EYA4: variants seen among roughly 807,000 people sequenced by gnomAD.
EYA4 encodes EYA transcriptional coactivator and phosphatase 4.
EYA4 carries 31 observed loss-of-function variants against 87.9 expected under a neutral mutation model. The observed-to-expected ratio is 0.35, with a 90% CI of 0.27 to 0.48. The LOEUF is 0.48. Among genes scored for constraint, EYA4 ranks in the 20% least tolerant of loss-of-function variants. The pLI, the probability that EYA4 is intolerant of heterozygous loss-of-function variation, is 0.99. For missense variants in EYA4, 678 were observed against 761.4 expected, an observed-to-expected ratio of 0.89 and a Z score of 1.29; for synonymous variants, 263 against 270.6, an observed-to-expected ratio of 0.97 and a Z score of 0.28.
chr6:133,323,237 A>G (rs978883675), intron 2 of EYA4, among the ~76,000 whole-genome samples: 3 of 152,072 alleles, frequency 2.0e-5, no homozygotes, highest in African/African-American at 7.2e-5. Context: ...TTGGTCAGAT[A>G]GAAGAAGAGC....
intron 3 of EYA4, among the ~76,000 whole-genome samples, chr6:133,385,758 ACAT>A (rs1246745070): frequency 6.6e-6 from 1 of 152,188 alleles, no homozygotes; most frequent in African/African-American, 2.4e-5. Context: ...TCTTGAAGTG[ACAT>A]ATGTGTATCA....
intron 2 of EYA4, among the ~76,000 whole-genome samples, chr6:133,359,820 CA>C (rs1407480526): frequency 6.6e-6 from 1 of 152,170 alleles, no homozygotes; most frequent in Non-Finnish European, 1.5e-5. Context: ...AGGAGTTAGA[CA>C]AAGATGACAG....
chr6:133,246,274 A>G lies in EYA4; in HGVS notation c.-66+4525A>G, dbSNP rs555448750. On this transcript the variant is annotated intron_variant, in intron 1 of 19. Transcript: ENST00000355286. The stretch of plus-strand genomic sequence containing the variant: ...ATTTCAGTGCATGGATGATGAAGAA[A>G]GACACCATTCTAAAATACCAGAAAT... Among the ~76,000 whole-genome samples the G allele has an allele frequency of 2.0e-5, 3 of 152,332 alleles. No homozygotes were observed. The East Asian group carries it at 5.8e-4, about 29-fold the overall frequency.
chr6:133,523,775 CTTCTA>C (rs1191077728), intron 18 of EYA4, among the ~76,000 whole-genome samples: 2 of 152,150 alleles, frequency 1.3e-5, no homozygotes, highest in Non-Finnish European at 2.9e-5. Flanking sequence ...CAGACTCCAA[CTTCTA>C]ATAAACATTC....
intron 2 of EYA4, among the ~76,000 whole-genome samples, chr6:133,374,215 C>CAAG (rs1562345267): frequency 1.6e-4 from 24 of 152,124 alleles, no homozygotes; most frequent in Non-Finnish European, 3.2e-4. Flanking sequence ...TATATTCAAC[C>CAAG]TTGCTATGAA....
At chr6:133,434,196 T>G (rs1432745503) in intron 3 of EYA4, among the ~76,000 whole-genome samples, 1 of 152,186 alleles carries the variant, frequency 6.6e-6, no homozygotes, top group Non-Finnish European at 1.5e-5. Context: ...GGACAGGTCA[T>G]TGATGTGTGA....
rs188565762 is a variant in EYA4, at chr6:133,487,789, G to A, written c.1191+4674G>A. Among the ~76,000 whole-genome samples, 140 of 152,290 alleles carry A rather than the reference G, an allele frequency of 9.2e-4. 1 individual carries two copies. Among genetic ancestry groups the A allele is most frequent in the Non-Finnish European group, 1.7e-3 (116 of 68,016 alleles). On this transcript the variant is annotated intron_variant, in intron 13 of 19. Transcript: ENST00000355286. ...TCAGAGATGTGCTGGCTTTAGGTGT[G>A]ACCCAGCATATTCCTAGCTGTGGTG...
At chr6:133,337,747 T>C (rs1307060772) in intron 2 of EYA4, among the ~76,000 whole-genome samples, 1 of 152,170 alleles carries the variant, frequency 6.6e-6, no homozygotes, top group African/African-American at 2.4e-5. Context: ...AAAAAACACT[T>C]TTCTATGCTG....
At chr6:133,435,552 G>GC (rs1432206502) in intron 3 of EYA4, 1 of 152,256 alleles carries the variant, frequency 6.6e-6, no homozygotes, top group Non-Finnish European at 1.5e-5. Flanking sequence ...GCGGAGAGGA[G>GC]CCACATCTCC....
intron 11 of EYA4, among the ~76,000 whole-genome samples, chr6:133,476,856 C>G (rs1016085199): frequency 1.3e-5 from 2 of 151,936 alleles, no homozygotes; most frequent in Non-Finnish European, 2.9e-5. Context: ...TGGTGGTGTC[C>G]CCATCCAAAA....
At chr6:133,498,355 G>A (rs1182856231) in intron 13 of EYA4, among the ~76,000 whole-genome samples, 1 of 152,086 alleles carries the variant, frequency 6.6e-6, no homozygotes, top group African/African-American at 2.4e-5. Flanking sequence ...CAGTTGTCTT[G>A]TATATAAAAT....
intron 3 of EYA4, among the ~76,000 whole-genome samples, chr6:133,445,702 C>T (rs375767447): frequency 1.6e-4 from 24 of 152,140 alleles, no homozygotes; most frequent in Middle Eastern, 3.4e-3. Flanking sequence ...CCTCAGCCTC[C>T]GGAGTAGCTG....
At chr6:133,288,894 T>C (rs547266722) in intron 2 of EYA4, among the ~76,000 whole-genome samples, 11 of 152,224 alleles carry the variant, frequency 7.2e-5, no homozygotes, top group Non-Finnish European at 8.8e-5. Flanking sequence ...AGAAAGAGAT[T>C]GTTTCATTTC....
chr6:133,472,899 A>C (rs212779), intron 11 of EYA4, among the ~76,000 whole-genome samples: 52,524 of 148,812 alleles, frequency 0.35, 10,624 homozygotes, highest in Non-Finnish European at 0.46. Flanking sequence ...CTGTTTTATC[A>C]GAGACTAGGA....
chr6:133,343,564 A>AC (rs1782966794), intron 2 of EYA4, among the ~76,000 whole-genome samples: 2 of 91,466 alleles, frequency 2.2e-5, no homozygotes, highest in African/African-American at 8.3e-5. Context: ...CACCCCCGCC[A>AC]CCACCCCCCC....
At chr6:133,412,196 T>C (rs1368791744) in intron 3 of EYA4, among the ~76,000 whole-genome samples, 2 of 152,262 alleles carry the variant, frequency 1.3e-5, no homozygotes, top group Non-Finnish European at 2.9e-5. Flanking sequence ...TATAGATATA[T>C]AGCCAGATCA....
chr6:133,508,032 T>G (rs1168607307), intron 14 of EYA4, among the ~76,000 whole-genome samples: 1 of 152,142 alleles, frequency 6.6e-6, no homozygotes. Flanking sequence ...GACAAGGTCT[T>G]AAATCCAGTT....
intron 3 of EYA4, among the ~76,000 whole-genome samples, chr6:133,410,629 G>T (rs1389617048): frequency 6.7e-6 from 1 of 148,366 alleles, no homozygotes; most frequent in East Asian, 1.9e-4. Context: ...TAGAACTAAG[G>T]TCTTAATTCC....
At chr6:133,395,666 C>T (rs1443142619) in intron 3 of EYA4, among the ~76,000 whole-genome samples, 1 of 152,184 alleles carries the variant, frequency 6.6e-6, no homozygotes, top group African/African-American at 2.4e-5. Context: ...CAGGCTGAGA[C>T]AGAAGAATCG....
Sources: gnomAD v4.1 joint callset for allele counts (sites outside exome capture counted in the v4.1 genomes callset) on GRCh38, gnomAD v4.1.1 for gene constraint, MANE v1.5 for transcripts, NCBI Gene and HGNC (gene_info 2026-07-23, HGNC 2026-07-21) for gene names.